Variants in ACSL5 observed in about 807,000 individuals in gnomAD.
ACSL5 encodes long-chain-fatty-acid--CoA ligase 5.
Under a neutral mutation model 84.9 loss-of-function variants are expected in ACSL5, and 50 were observed. The observed-to-expected ratio is 0.59, with a 90% CI of 0.47 to 0.75. The LOEUF is 0.75. ACSL5 is among the 30% of genes least tolerant of loss of function. ACSL5 has a pLI of 0.00. For missense variants in ACSL5, 775 were observed against 830.4 expected (o/e 0.93, Z 0.82); for synonymous variants, 280 against 300.7 (o/e 0.93, Z 0.71).
chr10:112,419,444 G>A (rs1844403700), intron 14 of ACSL5: 2 of 152,144 alleles, frequency 1.3e-5, no homozygotes, highest in Non-Finnish European at 2.9e-5. Flanking sequence ...AATACAGGTT[G>A]AGTATCTCCC....
intron 5 of ACSL5, 118 bp from the exon 6 acceptor site, chr10:112,408,298 CAAAAAA>C: frequency 2.2e-6 from 1 of 461,600 alleles, no homozygotes; most frequent in Non-Finnish European, 3.8e-6. Context: ...GGCACTGTCT[CAAAAAA>C]AAAAAAAAAA....
chr10:112,385,870 G>A (rs1256957546), intron 1 of ACSL5, among the ~76,000 whole-genome samples: 1 of 151,986 alleles, frequency 6.6e-6, no homozygotes, highest in Non-Finnish European at 1.5e-5. Context: ...TCTTCCCCAT[G>A]CCAAATTATA....
At chr10:112,400,469 G>A (rs1364545141) in intron 3 of ACSL5, among the ~76,000 whole-genome samples, 4 of 143,650 alleles carry the variant, frequency 2.8e-5, no homozygotes, top group Non-Finnish European at 4.5e-5. Context: ...GAGTGCAGTG[G>A]TGCAATCTTG....
At position 112,408,009 on chromosome 10, in the gene ACSL5, A is replaced by AT. The variant is rs796731645; in HGVS notation, c.433-402dup. ...CAACTGTCCCTATGGCCCCACAGTGATTTTTTTTTTTACATAAAAGTCAAC... is the reference window on the plus strand; with the variant it reads ...CAACTGTCCCTATGGCCCCACAGTGATTTTTTTTTTTTACATAAAAGTCAAC... On this transcript the variant is annotated intron_variant, in intron 5 of 20. Transcript: ENST00000354655. Among the ~76,000 whole-genome samples the AT allele has an allele frequency of 6.9e-3, 1,020 of 148,508 alleles. 10 individuals carry two copies. Among genetic ancestry groups the AT allele is most frequent in the African/African-American group, 0.024 (957 of 40,666 alleles).
intron 12 of ACSL5, among the ~76,000 whole-genome samples, chr10:112,414,573 G>T (rs1222771848): frequency 6.6e-6 from 1 of 151,908 alleles, no homozygotes; most frequent in African/African-American, 2.4e-5. Context: ...GGCCAGGCTG[G>T]TCTCGAACTC....
In ACSL5 at chr10:112,396,694, A is replaced by G. The variant is rs143185608; in HGVS notation, c.156+1592A>G. Among the ~76,000 whole-genome samples the G allele has an allele frequency of 2.1e-3, 324 of 152,142 alleles. 1 individual carries two copies. Among genetic ancestry groups the G allele is most frequent in the African/African-American group, 7.7e-3 (318 of 41,484 alleles). On this transcript the variant is annotated intron_variant, in intron 2 of 20. Transcript: ENST00000354655. ...ATGCATGTTTTCTCCCTTCACACAC[A>G]CACACACACACACCCCTCCTTTCCT...
intron 1 of ACSL5, chr10:112,376,372 C>G (rs780125686): frequency 6.2e-7 from 1 of 1,614,094 alleles, no homozygotes; most frequent in Non-Finnish European, 8.5e-7. Flanking sequence ...AGGACAGGGA[C>G]TCGTGTGGCA....
intron 1 of ACSL5, among the ~76,000 whole-genome samples, chr10:112,388,116 T>G (rs985709510): frequency 6.6e-6 from 1 of 152,064 alleles, no homozygotes; most frequent in Non-Finnish European, 1.5e-5. Context: ...CTTTTTGTAT[T>G]TTTGGTAGAG....
intron 18 of ACSL5, 28 bp from the exon 19 acceptor site, chr10:112,426,230 C>T (rs781403178): frequency 4.4e-6 from 7 of 1,581,956 alleles, no homozygotes; most frequent in Middle Eastern, 1.7e-4. Flanking sequence ...TCTCTCATGC[C>T]CTTGCACCTT....
At chr10:112,391,039 A>ATGTACTAAAT in intron 1 of ACSL5, among the ~76,000 whole-genome samples, 1 of 152,218 alleles carries the variant, frequency 6.6e-6, no homozygotes, top group African/African-American at 2.4e-5. Flanking sequence ...GTACATTTTA[A>ATGTACTAAAT]AGTGGTTAAT....
intron 3 of ACSL5, among the ~76,000 whole-genome samples, chr10:112,400,110 C>T (rs1351969445): frequency 1.3e-5 from 2 of 152,186 alleles, no homozygotes; most frequent in Non-Finnish European, 2.9e-5. Context: ...TACTTATAGA[C>T]TTCATGCAAA....
intron 1 of ACSL5, chr10:112,375,245 C>T (rs963412680): frequency 2.6e-5 from 4 of 152,066 alleles, no homozygotes; most frequent in African/African-American, 4.8e-5. Context: ...ATGACAAGTG[C>T]TCCTCCAGCC....
Position 112,427,334 on chromosome 10 carries a change from C to G in ACSL5, c.2028C>G (p.Ser676Arg). 2 of 1,613,332 alleles carry G rather than the reference C, an allele frequency of 1.2e-6. No individual in the cohort carries two copies. Among genetic ancestry groups the G allele is most frequent in the Non-Finnish European group, 1.7e-6 (2 of 1,179,658 alleles). The change falls in exon 21 of 21, where the codon AGC becomes AGG. Residue 676 changes from serine to arginine, a missense_variant. By Grantham distance (110) the Ser-to-Arg change is moderately radical (BLOSUM62 -1). Coordinates refer to ENST00000354655, the MANE Select transcript of ACSL5 (RefSeq NM_203379.2). ...AATACTTTCGGACCCAAATTGACAGCCTGTATGAGCACATCCAGGATTAGG... is the reference window on the plus strand; with the variant it reads ...AATACTTTCGGACCCAAATTGACAGGCTGTATGAGCACATCCAGGATTAGG... ...LSKYFRTQIDSLYEHIQD is the reference protein window; with the variant it reads ...LSKYFRTQIDRLYEHIQD
intron 3 of ACSL5, among the ~76,000 whole-genome samples, chr10:112,403,037 G>A (rs1053285781): frequency 3.9e-5 from 6 of 152,224 alleles, no homozygotes; most frequent in Admixed American, 6.5e-5. Context: ...ATTGTCAAAT[G>A]CAAGATGTAA....
intron 1 of ACSL5, among the ~76,000 whole-genome samples, chr10:112,392,292 T>C (rs1843659379): frequency 6.7e-6 from 1 of 149,606 alleles, no homozygotes; most frequent in African/African-American, 2.4e-5. Context: ...GGCAGCATGG[T>C]GAGGCTGTGT....
At chr10:112,410,740 T>C in intron 9 of ACSL5, 105 bp downstream of exon 9, 2 of 1,182,542 alleles carry the variant, frequency 1.7e-6, no homozygotes, top group Non-Finnish European at 2.4e-6. Flanking sequence ...AAGAGCCCTA[T>C]ACTTAGGGGC....
chr10:112,423,201 AAAAAAAAAAAAAAAAAAAAAATAT>A (rs1844530540), intron 17 of ACSL5, among the ~76,000 whole-genome samples: 1 of 52,698 alleles, frequency 1.9e-5, no homozygotes, highest in South Asian at 8.5e-4. Flanking sequence ...AAAAAAAAAA[AAAAAAAAAAAAAAAAAAAAAATAT>A]ATATATATAT....
chr10:112,401,909 TTTCTTTCC>T (rs1191376944), intron 3 of ACSL5, among the ~76,000 whole-genome samples: 5 of 151,088 alleles, frequency 3.3e-5, no homozygotes, highest in East Asian at 2.0e-4. Flanking sequence ...CTTTTCTTTC[TTTCTTTCC>T]TTCTTTCCTT....
chr10:112,417,529 G>T (rs1447221055), intron 13 of ACSL5, among the ~76,000 whole-genome samples: 2 of 151,780 alleles, frequency 1.3e-5, no homozygotes, highest in African/African-American at 4.8e-5. Context: ...GTTTTATTTA[G>T]GTTCTAGCAC....
Sources: gnomAD v4.1 joint callset for allele counts (sites outside exome capture counted in the v4.1 genomes callset) on GRCh38, gnomAD v4.1.1 for gene constraint, MANE v1.5 for transcripts, NCBI Gene and HGNC (gene_info 2026-07-23, HGNC 2026-07-21) for gene names.